Variants in KLHDC10 observed in about 807,000 individuals in gnomAD.
KLHDC10 encodes kelch domain containing 10.
KLHDC10 carries 24 observed loss-of-function variants against 56.1 expected under a neutral mutation model. The ratio of observed to expected loss-of-function variants is 0.43; its 90% confidence interval spans 0.31 to 0.60. KLHDC10 has a LOEUF of 0.60. Ranked by LOEUF, KLHDC10 falls within the 20% of genes least tolerant of loss-of-function variation. The probability of loss-of-function intolerance (pLI) is 0.11; values close to 1 mark genes in which losing one functional copy is unlikely to be tolerated. For missense variants in KLHDC10, 349 were observed against 567.0 expected (o/e 0.62, Z 3.91); for synonymous variants, 188 against 207.1 (o/e 0.91, Z 0.79).
intron 2 of KLHDC10, among the ~76,000 whole-genome samples, chr7:130,114,955 C>T (rs1391249229): frequency 6.6e-6 from 1 of 152,090 alleles, no homozygotes; most frequent in Non-Finnish European, 1.5e-5. Flanking sequence ...GGACTTGATA[C>T]TTGAGTGGTG....
chr7:130,097,852 T>C (rs140195543), intron 2 of KLHDC10, among the ~76,000 whole-genome samples: 429 of 152,312 alleles, frequency 2.8e-3, no homozygotes, highest in Middle Eastern at 0.014. Flanking sequence ...TTTTATTTTT[T>C]CTACTAATAC....
chr7:130,105,857 T>G (rs1158389602), intron 2 of KLHDC10, among the ~76,000 whole-genome samples: 1 of 152,180 alleles, frequency 6.6e-6, no homozygotes, highest in East Asian at 1.9e-4. Flanking sequence ...TTTAATAATT[T>G]GTACATTTAA....
At chr7:130,104,677 C>T (rs1230393698) in intron 2 of KLHDC10, among the ~76,000 whole-genome samples, 1 of 152,154 alleles carries the variant, frequency 6.6e-6, no homozygotes, top group Non-Finnish European at 1.5e-5. Flanking sequence ...GGAGAGGCCT[C>T]AGAAAGCTTT....
chr7:130,102,997 G>C (rs745771961), intron 2 of KLHDC10, among the ~76,000 whole-genome samples: 81 of 152,250 alleles, frequency 5.3e-4, no homozygotes, highest in Non-Finnish European at 1.0e-3. Context: ...GAAATTTGCA[G>C]ACTATAAAGA....
intron 1 of KLHDC10, among the ~76,000 whole-genome samples, chr7:130,073,079 A>G (rs908217006): frequency 1.3e-5 from 2 of 148,466 alleles, no homozygotes; most frequent in Non-Finnish European, 3.0e-5. Context: ...TTTTGAGTGT[A>G]CTATAGCGGC....
At chr7:130,072,507 T>A (rs1023866495) in intron 1 of KLHDC10, among the ~76,000 whole-genome samples, 3 of 152,210 alleles carry the variant, frequency 2.0e-5, no homozygotes, top group Non-Finnish European at 4.4e-5. Flanking sequence ...GCTTCCCTTT[T>A]CTCTTGACTG....
intron 2 of KLHDC10, among the ~76,000 whole-genome samples, chr7:130,103,192 G>A (rs1210305349): frequency 1.3e-5 from 2 of 152,098 alleles, no homozygotes; most frequent in African/African-American, 4.8e-5. Context: ...TTGAGAGGCC[G>A]AGGCAGGTGA....
intron 2 of KLHDC10, among the ~76,000 whole-genome samples, chr7:130,099,083 C>G (rs955371979): frequency 6.6e-6 from 1 of 152,078 alleles, no homozygotes; most frequent in Non-Finnish European, 1.5e-5. Context: ...GACTACTTGC[C>G]CTTCTTAAAT....
rs1433478691 is a variant in KLHDC10 at position 130,070,572 on chromosome 7, A to C, written c.-72A>C. ...GTCTCCTGGGTCTCTGGAGGAGCCC[A>C]GGAAGGAGGCTCCGCTGGTTCCGCT... On this transcript the variant is annotated 5_prime_UTR_variant, in exon 1 of 10. Coordinates refer to ENST00000335420, the MANE Select transcript of KLHDC10 (RefSeq NM_014997.4). 3 of 1,255,702 alleles carry C rather than the reference A, an allele frequency of 2.4e-6. No individual in the cohort carries two copies. The highest frequency in any genetic ancestry group is 1.5e-5 in the African/African-American group (1 of 65,768). 77.8% of individuals were successfully genotyped at this position (1,255,702 alleles called of 1,614,324 possible).
At chr7:130,085,289 T>G (rs916542852) in intron 1 of KLHDC10, among the ~76,000 whole-genome samples, 1 of 143,238 alleles carries the variant, frequency 7.0e-6, no homozygotes, top group Non-Finnish European at 1.5e-5. Flanking sequence ...GCCGAGATCA[T>G]GCCACTGCAC....
chr7:130,097,949 C>T (rs1795871797), intron 2 of KLHDC10, among the ~76,000 whole-genome samples: 1 of 151,710 alleles, frequency 6.6e-6, no homozygotes, highest in South Asian at 2.1e-4. Flanking sequence ...AATTATCACA[C>T]AAGCATACTT....
intron 1 of KLHDC10, among the ~76,000 whole-genome samples, chr7:130,074,849 TCCAC>T (rs1795475986): frequency 6.6e-6 from 1 of 152,146 alleles, no homozygotes; most frequent in Admixed American, 6.6e-5. Flanking sequence ...GATCTTGTGA[TCCAC>T]CCACCTTGGC....
In KLHDC10 at chr7:130,116,985, G is replaced by C. The variant is rs1796176848; in HGVS notation, c.475+319G>C. Among the ~76,000 whole-genome samples the C allele has an allele frequency of 6.6e-6, 1 of 152,170 alleles. No individual in the cohort carries two copies. The highest frequency in any genetic ancestry group is 2.4e-5 in the African/African-American group (1 of 41,436). On this transcript the variant is annotated intron_variant, in intron 3 of 9. Coordinates refer to ENST00000335420, the MANE Select transcript of KLHDC10 (RefSeq NM_014997.4). This position sits in a 1 kb window ranked among gnomAD's most constrained non-coding sequence, Gnocchi z 4.8. ...GGGCTTATGACGATGACAGTTAATA[G>C]CTGTTGAGCAAAGTACAGGCATACC...
chr7:130,129,305 A>T, intron 8 of KLHDC10, 132 bp from the exon 9 acceptor site: 1 of 910,672 alleles, frequency 1.1e-6, no homozygotes, highest in South Asian at 1.7e-5. Flanking sequence ...GCTGCACAGC[A>T]GAAGTCGTCT....
In KLHDC10 at chr7:130,070,659, G is replaced by A. The variant is rs1165814629; in HGVS notation, c.16G>A (p.Gly6Ser). The A allele has an allele frequency of 7.6e-7, 1 of 1,314,476 alleles. No individual in the cohort carries two copies. Among genetic ancestry groups the A allele is most frequent in the Non-Finnish European group, 9.7e-7 (1 of 1,026,526 alleles). The allele number at this position is 1,314,476 out of a possible 1,614,324, so 81.4% of individuals were successfully genotyped here. ...TTAGCGGGTCATGTCGGCCGCCCAG[G>A]GCTGGGACAGGAACCGCCGGAGGGG... MSAAQ[G>S]WDRNRRRGGG... is the part of the protein sequence containing the mutation. The change falls in exon 1 of 10, where the codon GGC becomes AGC. Residue 6 changes from glycine to serine, a missense_variant. By Grantham distance (56) the Gly-to-Ser change is moderately conservative. Coordinates refer to ENST00000335420, the MANE Select transcript of KLHDC10 (RefSeq NM_014997.4).
At chr7:130,092,156 ACT>A (rs1254110770) in intron 1 of KLHDC10, among the ~76,000 whole-genome samples, 4 of 152,170 alleles carry the variant, frequency 2.6e-5, no homozygotes, top group South Asian at 2.1e-4. Flanking sequence ...CCAGTACCAC[ACT>A]TTTTGAATAC....
At chr7:130,117,849 C>CAAAAAAAA (rs60800057) in intron 3 of KLHDC10, among the ~76,000 whole-genome samples, 117 of 72,996 alleles carry the variant, frequency 1.6e-3, no homozygotes, top group Non-Finnish European at 2.1e-3. Context: ...GACCCTGTCT[C>CAAAAAAAA]AAAAAAAAAA....
intron 1 of KLHDC10, among the ~76,000 whole-genome samples, chr7:130,089,441 C>T (rs532959895): frequency 6.6e-6 from 1 of 151,608 alleles, no homozygotes; most frequent in African/African-American, 2.4e-5. Flanking sequence ...TCTCCCATGC[C>T]CCGCCAAAAA....
At chr7:130,112,571 C>G (rs2116895988) in intron 2 of KLHDC10, among the ~76,000 whole-genome samples, 1 of 152,060 alleles carries the variant, frequency 6.6e-6, no homozygotes, top group East Asian at 1.9e-4. Context: ...TACTTTAGAC[C>G]CTGAAACACA....
Sources: gnomAD v4.1 joint callset for allele counts (sites outside exome capture counted in the v4.1 genomes callset) on GRCh38, gnomAD v4.1.1 for gene constraint, Gnocchi (gnomAD v3.1) non-coding constraint, MANE v1.5 for transcripts, NCBI Gene and HGNC (gene_info 2026-07-23, HGNC 2026-07-21) for gene names.